The following ZMIZ1 variants were observed in gnomAD, a reference collection of about 807,000 sequenced individuals.
ZMIZ1 encodes the protein zinc finger MIZ domain-containing protein 1.
ZMIZ1 carries 17 observed loss-of-function variants against 113.9 expected under a neutral mutation model. That is an observed-to-expected ratio of 0.15 (90% CI 0.10 to 0.22). The LOEUF (loss-of-function observed/expected upper bound fraction) is 0.22. ZMIZ1 is among the 10% of genes least tolerant of loss of function. ZMIZ1 has a pLI of 1.00. For synonymous variants in ZMIZ1, 607 were observed against 603.1 expected, an observed-to-expected ratio of 1.01 and a Z score of -0.09; for missense variants, 1,059 against 1,477.8, an observed-to-expected ratio of 0.72 and a Z score of 4.65.
intron 1 of ZMIZ1, among the ~76,000 whole-genome samples, chr10:79,099,942 C>T (rs1414939837): frequency 6.6e-6 from 1 of 152,092 alleles, no homozygotes; most frequent in African/African-American, 2.4e-5. Context: ...GCTTGTATGA[C>T]CCGAACAAGT....
chr10:79,165,030 A>G (rs1329434660), intron 4 of ZMIZ1, among the ~76,000 whole-genome samples: 2 of 151,592 alleles, frequency 1.3e-5, no homozygotes, highest in Admixed American at 6.6e-5. Flanking sequence ...GGAAAGAGCC[A>G]CACTCCTTAT....
At chr10:79,309,368 C>T (rs886653571) in intron 23 of ZMIZ1, among the ~76,000 whole-genome samples, 1 of 152,196 alleles carries the variant, frequency 6.6e-6, no homozygotes, top group Non-Finnish European at 1.5e-5. Context: ...GTGTGGAGCC[C>T]CTCCCTGCTC....
chr10:79,171,214 G>T (rs1004722986), intron 4 of ZMIZ1, among the ~76,000 whole-genome samples: 5 of 152,220 alleles, frequency 3.3e-5, no homozygotes, highest in African/African-American at 1.2e-4. Context: ...GAAAAAGCTG[G>T]CCCTGTCCTG....
intron 7 of ZMIZ1, among the ~76,000 whole-genome samples, chr10:79,232,953 C>A (rs1191950852): frequency 6.6e-6 from 1 of 152,216 alleles, no homozygotes; most frequent in African/African-American, 2.4e-5. Flanking sequence ...ATGCCCAGTA[C>A]TGGTTCCATG....
chr10:79,282,475 G>T (rs1852799955), intron 8 of ZMIZ1, among the ~76,000 whole-genome samples: 2 of 152,204 alleles, frequency 1.3e-5, no homozygotes, highest in Admixed American at 1.3e-4. Flanking sequence ...CCTGCCCCGA[G>T]GGACGGCAGA....
At chr10:79,076,815 T>C (rs1183105295) in intron 1 of ZMIZ1, among the ~76,000 whole-genome samples, 1 of 152,098 alleles carries the variant, frequency 6.6e-6, no homozygotes, top group African/African-American at 2.4e-5. Context: ...CCAGCCTGGA[T>C]GACAGAGCAG....
intron 7 of ZMIZ1, among the ~76,000 whole-genome samples, chr10:79,235,842 G>A (rs922093323): frequency 6.6e-6 from 1 of 151,588 alleles, no homozygotes; most frequent in African/African-American, 2.4e-5. Context: ...TGCCCTGGAC[G>A]CTACAGTTGG....
At chr10:79,173,872 C>T (rs1042067100) in intron 4 of ZMIZ1, among the ~76,000 whole-genome samples, 1 of 152,198 alleles carries the variant, frequency 6.6e-6, no homozygotes, top group Non-Finnish European at 1.5e-5. Flanking sequence ...CTCCATCTAA[C>T]TTTCAAGCCT....
intron 1 of ZMIZ1, among the ~76,000 whole-genome samples, chr10:79,092,801 T>C (rs1370839510): frequency 1.3e-5 from 2 of 152,220 alleles, no homozygotes; most frequent in Non-Finnish European, 2.9e-5. Flanking sequence ...CTTTGAAATC[T>C]GGACACCAGC....
chr10:79,285,403 C>T, intron 8 of ZMIZ1: 2 of 452,244 alleles, frequency 4.4e-6, no homozygotes, highest in South Asian at 3.1e-5. Flanking sequence ...TTACACTTAA[C>T]CCTCACGGCA....
intron 21 of ZMIZ1, 150 bp downstream of exon 21, chr10:79,305,751 C>T (rs1272633): frequency 0.32 from 265,274 of 828,542 alleles, 47,291 homozygotes; most frequent in East Asian, 0.44. Context: ...CCCTTACCCT[C>T]GGGGGCCTCT....
intron 7 of ZMIZ1, among the ~76,000 whole-genome samples, chr10:79,239,654 T>C (rs1849729335): frequency 6.6e-6 from 1 of 152,178 alleles, no homozygotes; most frequent in Non-Finnish European, 1.5e-5. Flanking sequence ...TATGCTTGTC[T>C]TTCCTTGCTA....
chr10:79,303,454 C>CAAA lies in ZMIZ1; in HGVS notation c.2126-539_2126-537dup, dbSNP rs34154193. Among the ~76,000 whole-genome samples the CAAA allele has an allele frequency of 4.3e-3, 279 of 64,438 alleles. 1 individual carries two copies. Among genetic ancestry groups the CAAA allele is most frequent in the Non-Finnish European group, 4.8e-3 (162 of 34,078 alleles). 42.3% of individuals were successfully genotyped at this position (64,438 alleles called of 152,430 possible). A position where few individuals can be genotyped will look rare whatever the true frequency, so the allele number is the denominator to read the frequency against. ...TGGGCAACACAGCCAGACACTGCCA[C>CAAA]AAAAAAAAAAAAAAAAAAAAAAAAT... On this transcript the variant is annotated intron_variant, in intron 18 of 24. Transcript: ENST00000334512.
chr10:79,210,240 C>T (rs570875240), intron 6 of ZMIZ1, among the ~76,000 whole-genome samples: 52 of 152,298 alleles, frequency 3.4e-4, no homozygotes, highest in Middle Eastern at 6.8e-3. Flanking sequence ...CGAGCCTGAC[C>T]CTGTCTATCT....
chr10:79,310,990 C>G lies in ZMIZ1; in HGVS notation c.2902C>G (p.Pro968Ala). The change falls in exon 24 of 25, where the codon CCC (proline) becomes GCC (alanine). Residue 968 changes from proline to alanine, a missense_variant. Physicochemically the swap from Pro to Ala is conservative, Grantham distance 27. Around this residue, in one of 6 missense-constraint regions of ZMIZ1, gnomAD observed 225 missense variants for 276.0 expected, o/e 0.82. Transcript: ENST00000334512. ...SIQQGLHVPH[P>A]SSQSGPPLHH... The stretch of plus-strand genomic sequence containing the variant: ...ACAACAAGGTTTGCACGTACCACAC[C>G]CCAGCAGCCAGTCAGGGCCTCCATT... 6.2e-7 allele frequency: 1 copy of G among 1,614,086 alleles called. No individual in the cohort carries two copies. Among genetic ancestry groups the G allele is most frequent in the Non-Finnish European group, 8.5e-7 (1 of 1,180,018 alleles).
chr10:79,172,739 A>G (rs1464600962), intron 4 of ZMIZ1, among the ~76,000 whole-genome samples: 1 of 152,192 alleles, frequency 6.6e-6, no homozygotes, highest in Non-Finnish European at 1.5e-5. Flanking sequence ...GACACAAAAG[A>G]GGAGGAGGAC....
intron 7 of ZMIZ1, among the ~76,000 whole-genome samples, chr10:79,216,644 A>T (rs1848743871): frequency 6.6e-6 from 1 of 152,234 alleles, no homozygotes; most frequent in African/African-American, 2.4e-5. Context: ...ACTGAGGCTC[A>T]CAAACACAGA....
At position 79,291,010 on chromosome 10, in the gene ZMIZ1, A is replaced by G. The variant is rs967581657; in HGVS notation, c.592A>G (p.Asn198Asp). ...NANNPMNPGG[N>D]PMASGMTTSN... ...CAACAACCCCATGAATCCAGGCGGC[A>G]ACCCCATGGCGTCGGGCATGACCAC... Residue 198 changes from asparagine (N) to aspartate (D), a missense_variant, in exon 10 of 25, where the codon AAC becomes GAC. Physicochemically the swap from Asn to Asp is conservative, Grantham distance 23 (BLOSUM62 1). Around this residue, in one of 6 missense-constraint regions of ZMIZ1, gnomAD observed 272 missense variants for 350.4 expected, o/e 0.78. Transcript: ENST00000334512. 6.2e-7 allele frequency: 1 copy of G among 1,614,240 alleles called. No individual in the cohort carries two copies. The highest frequency in any genetic ancestry group is 8.5e-7 in the Non-Finnish European group (1 of 1,180,036).
chr10:79,148,316 G>C (rs2132441283), intron 3 of ZMIZ1, among the ~76,000 whole-genome samples: 1 of 152,342 alleles, frequency 6.6e-6, no homozygotes, highest in Middle Eastern at 3.4e-3. Context: ...TTGGCTAGGA[G>C]GCAGGGCATG....
Sources: allele counts gnomAD v4.1 joint callset (sites outside exome capture counted in the v4.1 genomes callset), GRCh38; gene constraint gnomAD v4.1.1; regional missense constraint gnomAD v4.1.1; transcripts MANE v1.5; gene names NCBI Gene and HGNC (gene_info 2026-07-23, HGNC 2026-07-21).